The following MTOR variants were observed in gnomAD, a reference collection of about 807,000 sequenced individuals.
The protein encoded by MTOR is mechanistic target of rapamycin kinase, also known as serine/threonine-protein kinase mTOR.
In MTOR, 70 loss-of-function variants were observed where a neutral mutation model predicts 319.8. The ratio of observed to expected loss-of-function variants is 0.22; its 90% CI spans 0.18 to 0.27. The LOEUF is 0.27. MTOR is among the 10% of genes least tolerant of loss of function. The probability of loss-of-function intolerance (pLI) is 1.00; values close to 1 mark genes in which losing one functional copy is unlikely to be tolerated. For synonymous variants in MTOR, 1,183 were observed against 1,211.4 expected, an observed-to-expected ratio of 0.98 and a Z score of 0.49; for missense variants, 1,890 against 3,274.4, an observed-to-expected ratio of 0.58 and a Z score of 10.32.
intron 5 of MTOR, among the ~76,000 whole-genome samples, chr1:11,255,083 T>G (rs554590751): frequency 4.6e-5 from 7 of 152,094 alleles, no homozygotes; most frequent in South Asian, 2.1e-4. Context: ...TAATTATTAA[T>G]AAGAAGAAGG....
chr1:11,261,755 A>T (rs1651163385), intron 1 of MTOR, among the ~76,000 whole-genome samples: 1 of 152,098 alleles, frequency 6.6e-6, no homozygotes, highest in Non-Finnish European at 1.5e-5. Flanking sequence ...ATCCCTGCTA[A>T]GAAAACTACT....
chr1:11,229,875 G>T (rs911934402), intron 18 of MTOR, among the ~76,000 whole-genome samples: 2 of 152,086 alleles, frequency 1.3e-5, no homozygotes, highest in African/African-American at 4.8e-5. Flanking sequence ...TACTTGAGGG[G>T]CTGAAGCAGG....
rs372798122 is a variant in MTOR, at chr1:11,189,525, GGGC to G, written c.4253+9730_4253+9732del. The G allele has an allele frequency of 4.0e-4, 615 of 1,530,386 alleles. 2 individuals are homozygous for G. In the African/African-American group the frequency reaches 6.9e-3, roughly 17 times the overall value. The allele number at this position is 1,530,386 out of a possible 1,614,324, so 94.8% of individuals were successfully genotyped here. ...TGCTGCAGCTTTGCAGACCTCAGCT[GGGC>G]ATCTCCAGACTCCCCTGAAGGAAGA... is the stretch of plus-strand genomic sequence containing the variant. On this transcript the variant is annotated intron_variant, in intron 28 of 57. Coordinates refer to ENST00000361445, the MANE Select transcript of MTOR (RefSeq NM_004958.4).
intron 26 of MTOR, among the ~76,000 whole-genome samples, chr1:11,204,068 C>G (rs1646062753): frequency 6.6e-6 from 1 of 152,230 alleles, no homozygotes; most frequent in Non-Finnish European, 1.5e-5. Context: ...GCCAGACACA[C>G]AAGCCAGCCT....
rs995280847 is a variant in MTOR at position 11,133,808 on chromosome 1, C to T, written c.5246+543G>A. Reference sequence around the variant, plus strand: ...GGCACAGTGGCCCACACCTATAATCCCAGCATTTTGGAAGGCTGTGGAGGG... The same window carrying T: ...GGCACAGTGGCCCACACCTATAATCTCAGCATTTTGGAAGGCTGTGGAGGG... On this transcript the variant is annotated intron_variant, in intron 37 of 57. Coordinates refer to ENST00000361445, the MANE Select transcript of MTOR (RefSeq NM_004958.4). This position sits in a 1 kb window ranked among gnomAD's most constrained non-coding sequence, Gnocchi z 4.0. Among the ~76,000 whole-genome samples the T allele has an allele frequency of 1.3e-5, 2 of 152,054 alleles. No individual in the cohort carries two copies. The highest frequency in any genetic ancestry group is 4.8e-5 in the African/African-American group (2 of 41,394).
At position 11,231,366 on chromosome 1, in the gene MTOR, G is replaced by C. The variant is rs771103893; in HGVS notation, c.2583C>G (p.Tyr861Ter). 1 of 1,614,198 alleles carries C rather than the reference G, an allele frequency of 6.2e-7. No individual in the cohort carries two copies. The highest frequency in any genetic ancestry group is 8.5e-7 in the Non-Finnish European group (1 of 1,180,020). ...TGYVVEPYRKYPTLLEVLLNF... is the reference protein window; with the variant it reads ...TGYVVEPYRK ...TCAGTAGCACCTCAAGCAAAGTAGG[G>C]TACTTCCTGTAGGGCTCTACTACAT... The change falls in exon 17 of 58, where the codon TAC becomes TAG. Residue 861 changes from tyrosine (Y) to a stop codon, truncating the protein, a stop_gained. Coordinates refer to ENST00000361445, the MANE Select transcript of MTOR (RefSeq NM_004958.4). LOFTEE classifies it high-confidence loss of function.
chr1:11,222,953 G>A (rs1167398264), intron 19 of MTOR, among the ~76,000 whole-genome samples: 4 of 151,976 alleles, frequency 2.6e-5, no homozygotes, highest in African/African-American at 9.7e-5. Context: ...CTAGCAGTGG[G>A]TCATATGGAA....
chr1:11,122,204 G>T (rs113055615), intron 47 of MTOR, 78 bp from the exon 48 acceptor site: 113 of 1,375,028 alleles, frequency 8.2e-5, no homozygotes, highest in South Asian at 5.7e-4. Context: ...CAGGCAGACT[G>T]TTTTTTTTTT....
At chr1:11,261,570 A>G (rs1651141325) in intron 1 of MTOR, among the ~76,000 whole-genome samples, 1 of 152,178 alleles carries the variant, frequency 6.6e-6, no homozygotes, top group South Asian at 2.1e-4. Context: ...TATCCCAAGT[A>G]TGTTCAGCTT....
At chr1:11,233,736 G>A (rs1293788724) in intron 14 of MTOR, among the ~76,000 whole-genome samples, 1 of 152,128 alleles carries the variant, frequency 6.6e-6, no homozygotes, top group Non-Finnish European at 1.5e-5. Context: ...TCTAAACCGA[G>A]TCTCAGTGAT....
At chr1:11,224,267 A>G (rs1274634501) in intron 19 of MTOR, among the ~76,000 whole-genome samples, 1 of 152,076 alleles carries the variant, frequency 6.6e-6, no homozygotes, top group Non-Finnish European at 1.5e-5. Flanking sequence ...ATACCTCCAA[A>G]AAAAAGCTGG....
chr1:11,146,296 G>A (rs1426471515), intron 32 of MTOR, among the ~76,000 whole-genome samples: 2 of 152,210 alleles, frequency 1.3e-5, no homozygotes, highest in Non-Finnish European at 2.9e-5. Flanking sequence ...ATCAATGTGT[G>A]ACATGCCTGC....
chr1:11,146,869 G>A, intron 31 of MTOR, 78 bp from the exon 32 acceptor site: 1 of 979,500 alleles, frequency 1.0e-6, no homozygotes, highest in Non-Finnish European at 1.6e-6. Context: ...AATAGGTCTT[G>A]CCACTGTTAT....
intron 28 of MTOR, among the ~76,000 whole-genome samples, chr1:11,179,891 C>T (rs1310976011): frequency 6.6e-6 from 1 of 152,192 alleles, no homozygotes; most frequent in African/African-American, 2.4e-5. Flanking sequence ...GAAGTCAGCA[C>T]GAACATAGAA....
rs2100404075 is a variant in MTOR, at chr1:11,127,243, C to T, written c.6217-99G>A. ...ACTGCAGATATTCCTCAGGAGCCCG[C>T]TGTGGCCTGAAAACACTGGCAGGGG... On this transcript the variant is annotated intron_variant, in intron 44 of 57. Coordinates refer to ENST00000361445, the MANE Select transcript of MTOR (RefSeq NM_004958.4). The surrounding 1 kb of genome is among the most constrained non-coding windows in gnomAD (Gnocchi z 5.5). The T allele has an allele frequency of 6.5e-7, 1 of 1,528,926 alleles. No individual in the cohort carries two copies. The highest frequency in any genetic ancestry group is 8.9e-7 in the Non-Finnish European group (1 of 1,129,932). 94.7% of individuals were successfully genotyped at this position (1,528,926 alleles called of 1,614,324 possible). A position where few individuals can be genotyped will look rare whatever the true frequency, so the allele number is the denominator to read the frequency against.
At chr1:11,183,273 G>C (rs924384621) in intron 28 of MTOR, among the ~76,000 whole-genome samples, 20 of 152,042 alleles carry the variant, frequency 1.3e-4, no homozygotes, top group Non-Finnish European at 1.0e-4. Flanking sequence ...TGTGAACTAA[G>C]TGCCTGTTCA....
Position 11,112,886 on chromosome 1 carries a change from C to A in MTOR, c.7332G>T (p.Thr2444=). The A allele has an allele frequency of 6.2e-7, 1 of 1,614,204 alleles. No individual in the cohort carries two copies. The highest frequency in any genetic ancestry group is 8.5e-7 in the Non-Finnish European group (1 of 1,180,032). Residue 2444 remains threonine (T), a synonymous_variant, in exon 54 of 58, where the codon ACG becomes ACT. Coordinates refer to ENST00000361445, the MANE Select transcript of MTOR (RefSeq NM_004958.4). ...GGCCAGCAGAGTAGGAATCCGTCCTCGTTCGGGATCGCTTGTTGCCTTTGG... is the reference window on the plus strand; with the variant it reads ...GGCCAGCAGAGTAGGAATCCGTCCTAGTTCGGGATCGCTTGTTGCCTTTGG... The part of the protein sequence containing the change: ...TNTKGNKRSR[T]RTDSYSAGQS...
chr1:11,247,522 T>A (rs1231927279), intron 8 of MTOR, 103 bp downstream of exon 8: 2 of 942,054 alleles, frequency 2.1e-6, no homozygotes, highest in African/African-American at 3.3e-5. Context: ...AATCAGAGAT[T>A]TGTTGGCGTT....
chr1:11,217,203 C>T (rs996437564), intron 19 of MTOR, among the ~76,000 whole-genome samples: 1 of 151,984 alleles, frequency 6.6e-6, no homozygotes, highest in African/African-American at 2.4e-5. Flanking sequence ...GAAGTCAGTA[C>T]CTTTTAGGTG....
Sources: gnomAD v4.1 joint callset for allele counts (sites outside exome capture counted in the v4.1 genomes callset) on GRCh38, gnomAD v4.1.1 for gene constraint, Gnocchi (gnomAD v3.1) non-coding constraint, MANE v1.5 for transcripts, NCBI Gene and HGNC (gene_info 2026-07-23, HGNC 2026-07-21) for gene names.